Variants in SRCAP observed in about 807,000 individuals in gnomAD.
SRCAP encodes Snf2 related CREBBP activator protein.
A neutral mutation model predicts 263.1 loss-of-function variants in SRCAP; 46 were observed. The ratio of observed to expected loss-of-function variants is 0.17; its 90% CI spans 0.14 to 0.22. The LOEUF is 0.22. Ranked by LOEUF, SRCAP falls within the 10% of genes least tolerant of loss-of-function variation. The pLI, the probability that SRCAP is intolerant of heterozygous loss-of-function variation, is 1.00. For synonymous variants in SRCAP, 1,813 were observed against 1,662.1 expected (o/e 1.09, Z -2.21); for missense variants, 3,695 against 4,181.9 (o/e 0.88, Z 3.21).
In SRCAP at chr16:30,707,333, C is replaced by G; in HGVS notation, c.457C>G (p.Gln153Glu). 6.2e-7 allele frequency: 1 copy of G among 1,614,172 alleles called. No homozygotes were observed. Among genetic ancestry groups the G allele is most frequent in the South Asian group, 1.1e-5 (1 of 91,076 alleles). ...GCAGTGGCTCTCTGCTGACTTTGCT[C>G]AGGAGCGCCGTTGGAAACGGGGTGT... ...EMQWLSADFA[Q>E]ERRWKRGVAR... Residue 153 changes from glutamine to glutamate, a missense_variant, in exon 5 of 34, where the codon CAG (glutamine) becomes GAG (glutamate). Physicochemically the swap from Gln to Glu is conservative, Grantham distance 29. Around this residue, in one of 12 missense-constraint regions of SRCAP, gnomAD observed 107 missense variants for 223.8 expected, o/e 0.48. Transcript: ENST00000262518.
chr16:30,727,761 C>G (rs2053077025), intron 25 of SRCAP, among the ~76,000 whole-genome samples: 1 of 152,088 alleles, frequency 6.6e-6, no homozygotes, highest in Non-Finnish European at 1.5e-5. Flanking sequence ...ATCATGTTGG[C>G]CAGGATGGTC....
chr16:30,702,103 G>A (rs866711728), intron 3 of SRCAP, among the ~76,000 whole-genome samples: 10 of 151,612 alleles, frequency 6.6e-5, no homozygotes, highest in South Asian at 2.1e-4. Flanking sequence ...ACAGGTGCGC[G>A]CCACCACGCC....
rs1297031168 is a variant in SRCAP, at chr16:30,738,496, C to T, written c.8456C>T (p.Thr2819Ile). 7 of 1,607,068 alleles carry T rather than the reference C, an allele frequency of 4.4e-6. No homozygotes were observed. Among genetic ancestry groups the T allele is most frequent in the Non-Finnish European group, 6.0e-6 (7 of 1,176,418 alleles). The change falls in exon 34 of 34, where the codon ACT becomes ATT. Residue 2819 changes from threonine (T) to isoleucine (I), a missense_variant. Around this residue, in one of 12 missense-constraint regions of SRCAP, gnomAD observed 1,207 missense variants for 1,142.9 expected, o/e 1.06. Transcript: ENST00000262518. ...CEAAPSSSLP[T>I]PPQQPFIARR... ...GCTGCTCCTTCATCCTCACTGCCCA[C>T]TCCACCCCAGCAGCCCTTCATTGCT... is the stretch of plus-strand genomic sequence containing the variant.
Position 30,700,741 on chromosome 16 carries a change from G to A in SRCAP, c.-84G>A. ...CAGCTCCCAGCATGCCCTGCAGCCG[G>A]ACGCCAGCCCCTCGGCCAGCAGTAC... is the stretch of plus-strand genomic sequence containing the variant. On this transcript the variant is annotated 5_prime_UTR_variant, in exon 3 of 34. Transcript: ENST00000262518. 10 of 1,367,616 alleles carry A rather than the reference G, an allele frequency of 7.3e-6. No homozygotes were observed. In the South Asian group the frequency reaches 9.7e-5, roughly 13 times the overall value. 84.7% of individuals were successfully genotyped at this position (1,367,616 alleles called of 1,614,324 possible).
chr16:30,724,429 C>A lies in SRCAP; in HGVS notation c.5005C>A (p.Pro1669Thr). 6.2e-7 allele frequency: 1 copy of A among 1,614,218 alleles called. No individual in the cohort carries two copies. Among genetic ancestry groups the A allele is most frequent in the South Asian group, 1.1e-5 (1 of 91,088 alleles). Residue 1669 changes from proline (P) to threonine (T), a missense_variant, in exon 25 of 34, where the codon CCG becomes ACG. Pro to Thr is a conservative substitution (Grantham distance 38). Around this residue, in one of 12 missense-constraint regions of SRCAP, gnomAD observed 1,347 missense variants for 1,304.4 expected, o/e 1.03. Transcript: ENST00000262518. ...TCAAACTATGCTACCAGCCCCGGTT[C>A]CGTCACCTCTCCCGAGCCCGGCTTC... is the stretch of plus-strand genomic sequence containing the variant. ...STQTMLPAPV[P>T]SPLPSPASTQ...
rs758554763 is a variant in SRCAP, at chr16:30,736,292, C to T, written c.6822C>T (p.Asn2274=). The T allele has an allele frequency of 2.1e-5, 34 of 1,614,040 alleles. No individual in the cohort carries two copies. Among genetic ancestry groups the T allele is most frequent in the South Asian group, 5.5e-5 (5 of 91,086 alleles). The change falls in exon 32 of 34, where the codon AAC becomes AAT. Residue 2274 remains asparagine (N), a synonymous_variant. Transcript: ENST00000262518. ...QVAELAEFNE[N]DGFPAGEGEE... ...CTGAGCTTGCAGAATTTAATGAGAA[C>T]GATGGGTTTCCTGCTGGTGAGGGAG...
intron 9 of SRCAP, 31 bp downstream of exon 9, chr16:30,710,878 C>T (rs761332279): frequency 1.9e-6 from 3 of 1,610,698 alleles, no homozygotes; most frequent in South Asian, 2.2e-5. Context: ...CCTATTGCCC[C>T]TTACCCCTTG....
At chr16:30,718,136 G>A (rs533476464) in intron 18 of SRCAP, among the ~76,000 whole-genome samples, 1 of 152,224 alleles carries the variant, frequency 6.6e-6, no homozygotes, top group Non-Finnish European at 1.5e-5. Context: ...GCCTCCCAAA[G>A]CCCTGGGATT....
At chr16:30,703,951 T>A in intron 3 of SRCAP, 113 bp from the exon 4 acceptor site, 1 of 1,286,654 alleles carries the variant, frequency 7.8e-7, no homozygotes, top group South Asian at 1.5e-5. Flanking sequence ...AAAATAAGGT[T>A]TATACCTTAC....
rs138424659 is a variant in SRCAP, at chr16:30,723,922, C to G, written c.4498C>G (p.Pro1500Ala). The change falls in exon 25 of 34, where the codon CCG becomes GCG. Residue 1500 changes from proline to alanine, a missense_variant. Coordinates refer to ENST00000262518, the MANE Select transcript of SRCAP (RefSeq NM_006662.3). Reference protein sequence around the residue: ...PPSLAPSGASPSASALTLGLA... With the variant: ...PPSLAPSGASASASALTLGLA... ...CTCCTTGGCACCATCTGGTGCTTCC[C>G]CGTCAGCATCAGCCTTGACTCTAGG... 7 of 1,614,124 alleles carry G rather than the reference C, an allele frequency of 4.3e-6. No homozygotes were observed. Among genetic ancestry groups the G allele is most frequent in the Non-Finnish European group, 5.9e-6 (7 of 1,180,024 alleles).
At chr16:30,701,628 T>G (rs1450404442) in intron 3 of SRCAP, among the ~76,000 whole-genome samples, 1 of 149,546 alleles carries the variant, frequency 6.7e-6, no homozygotes, top group Non-Finnish European at 1.5e-5. Context: ...TTTCCATTTT[T>G]TTCTTTTCTT....
In SRCAP at chr16:30,722,300, A is replaced by AC. The variant is rs747506695; in HGVS notation, c.3706+19dup. On this transcript the variant is annotated intron_variant, in intron 22 of 33. Transcript: ENST00000262518. ...GCCCGCTGCAAAGTAGGTAAAACCCACCCCCTGTCCTGCCTTTTTCCTCCT... is the reference window on the plus strand; with the variant it reads ...GCCCGCTGCAAAGTAGGTAAAACCCACCCCCCTGTCCTGCCTTTTTCCTCCT... 1.9e-6 allele frequency: 3 copies of AC among 1,608,778 alleles called. No homozygotes were observed. The Admixed American group carries it at 5.0e-5, about 27-fold the overall frequency.
chr16:30,700,071 C>T (rs907671433), intron 2 of SRCAP, 90 bp downstream of exon 2: 1 of 152,206 alleles, frequency 6.6e-6, no homozygotes, highest in Admixed American at 6.5e-5. Context: ...GGGATTTTCA[C>T]TCTAGAGAAG....
intron 30 of SRCAP, 26 bp downstream of exon 30, chr16:30,734,034 T>C (rs1334632814): frequency 5.1e-6 from 8 of 1,568,442 alleles, no homozygotes; most frequent in Non-Finnish European, 6.9e-6. Context: ...TTTTAGCCTA[T>C]GCAGGAGAAA....
chr16:30,731,246 A>G (rs1359700133), intron 27 of SRCAP, among the ~76,000 whole-genome samples: 2 of 152,180 alleles, frequency 1.3e-5, no homozygotes. Context: ...GGGGAATAGC[A>G]AAAAAGACCT....
At chr16:30,719,955 G>C (rs565420894) in intron 18 of SRCAP, among the ~76,000 whole-genome samples, 3 of 152,110 alleles carry the variant, frequency 2.0e-5, no homozygotes, top group Non-Finnish European at 4.4e-5. Context: ...CCCCTTGCCC[G>C]CCACAGTCGT....
Position 30,700,789 on chromosome 16 carries a change from C to T in SRCAP, c.-36C>T, listed in dbSNP as rs750305163. 1.2e-6 allele frequency: 2 copies of T among 1,604,818 alleles called. No individual in the cohort carries two copies. Among genetic ancestry groups the T allele is most frequent in the East Asian group, 2.2e-5 (1 of 44,802 alleles). ...TACTGGTGATAACAACCCAGTCATT[C>T]TTCAGGCATCCAAGGGGGAGCCTGG... On this transcript the variant is annotated 5_prime_UTR_variant, in exon 3 of 34. Transcript: ENST00000262518.
At chr16:30,705,965 A>C (rs1020255897) in intron 4 of SRCAP, among the ~76,000 whole-genome samples, 1 of 152,070 alleles carries the variant, frequency 6.6e-6, no homozygotes, top group Admixed American at 6.6e-5. Context: ...TGGCCTCCCA[A>C]AGTGCTGGGA....
Position 30,728,819 on chromosome 16 carries a change from C to T in SRCAP, c.5659-147C>T. 4 of 893,478 alleles carry T rather than the reference C, an allele frequency of 4.5e-6. No homozygotes were observed. The South Asian group carries it at 8.7e-5, about 19-fold the overall frequency. 55.3% of individuals were successfully genotyped at this position (893,478 alleles called of 1,614,324 possible). A position where few individuals can be genotyped will look rare whatever the true frequency, so the allele number is the denominator to read the frequency against. On this transcript the variant is annotated intron_variant, in intron 25 of 33. Coordinates refer to ENST00000262518, the MANE Select transcript of SRCAP (RefSeq NM_006662.3). ...ATAACTTCTGAGAAAGAATAGTTCT[C>T]ATTGATAACTTGGAAAACTACAAAA...
Sources: gnomAD v4.1 joint callset for allele counts (sites outside exome capture counted in the v4.1 genomes callset) on GRCh38, gnomAD v4.1.1 for gene constraint, gnomAD v4.1.1 regional missense constraint, MANE v1.5 for transcripts, NCBI Gene and HGNC (gene_info 2026-07-23, HGNC 2026-07-21) for gene names.